The following MPPED2 variants were observed in gnomAD, a reference collection of about 807,000 sequenced individuals.
The protein encoded by MPPED2 is metallophosphoesterase domain containing 2, also known as metallophosphoesterase MPPED2.
Under a neutral mutation model 33.0 loss-of-function variants are expected in MPPED2, and 5 were observed. The observed-to-expected ratio is 0.15, with a 90% CI of 0.08 to 0.32. MPPED2 has a LOEUF of 0.32. Ranked by LOEUF, MPPED2 falls within the 10% of genes least tolerant of loss-of-function variation. MPPED2 has a pLI of 1.00. For missense variants in MPPED2, 275 were observed against 372.1 expected, an observed-to-expected ratio of 0.74 and a Z score of 2.15; for synonymous variants, 136 against 141.9, an observed-to-expected ratio of 0.96 and a Z score of 0.29.
chr11:30,513,101 A>C (rs190121771), intron 3 of MPPED2, among the ~76,000 whole-genome samples: 2 of 152,232 alleles, frequency 1.3e-5, no homozygotes, highest in Admixed American at 1.3e-4. Context: ...TTAAAAAAAA[A>C]CATATTCTTC....
In MPPED2 at chr11:30,410,634, A is replaced by G. The variant is rs961230855; in HGVS notation, c.*834T>C. The G allele has an allele frequency of 2.2e-5, 22 of 985,640 alleles. No individual in the cohort carries two copies. The South Asian group carries it at 8.5e-4, about 38-fold the overall frequency. 61.1% of individuals were successfully genotyped at this position (985,640 alleles called of 1,614,324 possible). A position where few individuals can be genotyped will look rare whatever the true frequency, so the allele number is the denominator to read the frequency against. ...TCCTTCCGACTTCTGATGTGTTGCTATACAGCATCCCTTTGCAGTTGTACT... is the reference window on the plus strand; with the variant it reads ...TCCTTCCGACTTCTGATGTGTTGCTGTACAGCATCCCTTTGCAGTTGTACT... On this transcript the variant is annotated 3_prime_UTR_variant, in exon 7 of 7. Coordinates refer to ENST00000358117, the MANE Select transcript of MPPED2 (RefSeq NM_001584.3).
chr11:30,410,175 C>G (rs1243567831), downstream of MPPED2: 1 of 985,560 alleles, frequency 1.0e-6, no homozygotes, highest in Non-Finnish European at 1.2e-6. Context: ...CCTCCTTCCC[C>G]AGGACGAAAC....
chr11:30,504,181 A>G (rs1952704083), intron 3 of MPPED2, among the ~76,000 whole-genome samples: 1 of 152,198 alleles, frequency 6.6e-6, no homozygotes. Context: ...TCCTATTTAA[A>G]ATTATTATTA....
At chr11:30,461,817 T>C (rs938686760) in intron 4 of MPPED2, among the ~76,000 whole-genome samples, 1 of 152,232 alleles carries the variant, frequency 6.6e-6, no homozygotes, top group Non-Finnish European at 1.5e-5. Context: ...CTCTAGAATT[T>C]TTTGTCTAAT....
intron 2 of MPPED2, among the ~76,000 whole-genome samples, chr11:30,555,668 C>T (rs1402774881): frequency 6.6e-6 from 1 of 152,166 alleles, no homozygotes; most frequent in Non-Finnish European, 1.5e-5. Flanking sequence ...CATGACTTTG[C>T]TCCTTCTTCA....
chr11:30,400,632 G>A (rs1947896594), intron 6 of MPPED2, among the ~76,000 whole-genome samples: 1 of 152,150 alleles, frequency 6.6e-6, no homozygotes, highest in African/African-American at 2.4e-5. Flanking sequence ...AGTTTAAAAG[G>A]ACTGAAACTT....
At chr11:30,435,186 C>A (rs543754706) in intron 4 of MPPED2, among the ~76,000 whole-genome samples, 1 of 152,164 alleles carries the variant, frequency 6.6e-6, no homozygotes, top group Non-Finnish European at 1.5e-5. Flanking sequence ...TTTTAGAAGG[C>A]GAGGGACCAG....
intron 4 of MPPED2, among the ~76,000 whole-genome samples, chr11:30,435,306 CCAGT>C (rs1202299100): frequency 6.6e-6 from 1 of 152,144 alleles, no homozygotes; most frequent in Admixed American, 6.5e-5. Context: ...TGTCTGCTAG[CCAGT>C]CAAATATCTT....
At chr11:30,560,312 T>TAAAA (rs569768584) in intron 2 of MPPED2, among the ~76,000 whole-genome samples, 3 of 149,382 alleles carry the variant, frequency 2.0e-5, no homozygotes, top group African/African-American at 7.4e-5. Context: ...GTTTTTTTTT[T>TAAAA]AAAAAAAAAA....
intron 2 of MPPED2, among the ~76,000 whole-genome samples, chr11:30,563,110 A>T: frequency 6.6e-6 from 1 of 152,074 alleles, no homozygotes; most frequent in Non-Finnish European, 1.5e-5. Context: ...ATACTTATTG[A>T]TTTACTGTAA....
rs144186399 is a variant in MPPED2, at chr11:30,486,203, A to G, written c.536+9093T>C. On this transcript the variant is annotated intron_variant, in intron 4 of 6. Transcript: ENST00000358117. ...AAATGCATCACAGGAAGACAGAAGC[A>G]GCTAAGGCTGGAACCAAATAAATAC... 5.9e-3 allele frequency among the ~76,000 whole-genome samples: 893 copies of G among 152,352 alleles called. 8 individuals are homozygous for G. The highest frequency in any genetic ancestry group is 0.02 in the African/African-American group (852 of 41,586).
intron 2 of MPPED2, among the ~76,000 whole-genome samples, chr11:30,549,298 C>G (rs1186655181): frequency 6.6e-6 from 1 of 152,124 alleles, no homozygotes; most frequent in Non-Finnish European, 1.5e-5. Context: ...TCAAAATTTC[C>G]CCTGCTCTAT....
intron 2 of MPPED2, among the ~76,000 whole-genome samples, chr11:30,567,362 G>A (rs1157445655): frequency 6.6e-6 from 1 of 152,124 alleles, no homozygotes; most frequent in African/African-American, 2.4e-5. Flanking sequence ...TCAATTGCAC[G>A]GTTTAGGGCA....
intron 6 of MPPED2, among the ~76,000 whole-genome samples, chr11:30,391,674 G>C (rs1947777969): frequency 6.6e-6 from 1 of 152,146 alleles, no homozygotes; most frequent in Non-Finnish European, 1.5e-5. Context: ...CATTTATTAA[G>C]TCTTAACTAT....
chr11:30,485,787 GC>G (rs1951719883), intron 4 of MPPED2, among the ~76,000 whole-genome samples: 1 of 152,206 alleles, frequency 6.6e-6, no homozygotes, highest in African/African-American at 2.4e-5. Context: ...GGCTCTACAA[GC>G]CCGACCAAGC....
intron 4 of MPPED2, among the ~76,000 whole-genome samples, chr11:30,439,245 T>C (rs1179541143): frequency 6.6e-6 from 1 of 152,230 alleles, no homozygotes; most frequent in Non-Finnish European, 1.5e-5. Context: ...AATTATTCTA[T>C]TTTAGGCATT....
intron 4 of MPPED2, among the ~76,000 whole-genome samples, chr11:30,485,471 A>ATTT: frequency 1.3e-3 from 200 of 151,756 alleles, no homozygotes; most frequent in Middle Eastern, 3.4e-3. Context: ...CATGTGTAAC[A>ATTT]AGGTAAATAA....
intron 4 of MPPED2, among the ~76,000 whole-genome samples, chr11:30,444,261 C>T (rs560129984): frequency 1.3e-5 from 2 of 152,182 alleles, no homozygotes; most frequent in Admixed American, 1.3e-4. Context: ...TGCGTTATAA[C>T]GTAATGAAAA....
intron 3 of MPPED2, among the ~76,000 whole-genome samples, chr11:30,506,825 A>G (rs968223052): frequency 4.6e-5 from 7 of 152,220 alleles, no homozygotes; most frequent in Non-Finnish European, 8.8e-5. Context: ...TGCTGAAATA[A>G]CATTTGGGCA....
Sources: gnomAD v4.1 joint callset for allele counts (sites outside exome capture counted in the v4.1 genomes callset) on GRCh38, gnomAD v4.1.1 for gene constraint, MANE v1.5 for transcripts, NCBI Gene and HGNC (gene_info 2026-07-23, HGNC 2026-07-21) for gene names.